Variants in TNFRSF8 observed in about 807,000 individuals in gnomAD.
TNFRSF8 encodes the protein TNF receptor superfamily member 8, also known as tumor necrosis factor receptor superfamily member 8.
Under a neutral mutation model 70.8 loss-of-function variants are expected in TNFRSF8, and 26 were observed. The observed-to-expected ratio is 0.37, with a 90% CI of 0.27 to 0.51. The LOEUF is 0.51. Ranked by LOEUF, TNFRSF8 falls within the 20% of genes least tolerant of loss-of-function variation. The pLI is 0.94. For missense variants in TNFRSF8, 720 were observed against 807.9 expected, an observed-to-expected ratio of 0.89 and a Z score of 1.32; for synonymous variants, 356 against 339.2, an observed-to-expected ratio of 1.05 and a Z score of -0.54.
chr1:12,097,792 TAATA>T (rs971779723), intron 3 of TNFRSF8, among the ~76,000 whole-genome samples: 7 of 152,200 alleles, frequency 4.6e-5, no homozygotes, highest in Non-Finnish European at 5.9e-5. Context: ...TTTTGTGGTC[TAATA>T]AATAATAAAT....
rs368839599 is a variant in TNFRSF8, at chr1:12,108,618, C to T, written c.422-948C>T. On this transcript the variant is annotated intron_variant, in intron 4 of 14. Coordinates refer to ENST00000263932, the MANE Select transcript of TNFRSF8 (RefSeq NM_001243.5). The surrounding 1 kb of genome is among the most constrained non-coding windows in gnomAD (Gnocchi z 4.0). Reference sequence around the variant, plus strand: ...GGTGGATCACCTGAGGTCAGGAGTTCGAGACCAGCCTGGCCAACATGGCGA... The same window carrying T: ...GGTGGATCACCTGAGGTCAGGAGTTTGAGACCAGCCTGGCCAACATGGCGA... 3.9e-5 allele frequency among the ~76,000 whole-genome samples: 6 copies of T among 152,122 alleles called. No homozygotes were observed. The highest frequency in any genetic ancestry group is 1.4e-4 in the African/African-American group (6 of 41,528).
chr1:12,085,189 C>T (rs1641132062), intron 2 of TNFRSF8, among the ~76,000 whole-genome samples: 1 of 152,162 alleles, frequency 6.6e-6, no homozygotes, highest in Non-Finnish European at 1.5e-5. Flanking sequence ...CGGCTCACTG[C>T]AACCTCCACC....
intron 8 of TNFRSF8, among the ~76,000 whole-genome samples, chr1:12,116,896 A>C (rs538361663): frequency 1.4e-4 from 21 of 152,254 alleles, no homozygotes; most frequent in Non-Finnish European, 2.5e-4. Context: ...GGACCCCCAG[A>C]GAGGCTCTGG....
chr1:12,107,043 T>C (rs1283653793), intron 4 of TNFRSF8, among the ~76,000 whole-genome samples: 2 of 152,268 alleles, frequency 1.3e-5, no homozygotes, highest in African/African-American at 2.4e-5. Flanking sequence ...TTGCTGCCCC[T>C]GGACCCCAGC....
chr1:12,072,454 C>T (rs1292401222), intron 1 of TNFRSF8, among the ~76,000 whole-genome samples: 1 of 152,070 alleles, frequency 6.6e-6, no homozygotes, highest in Admixed American at 6.6e-5. Flanking sequence ...GGGAAGGAGC[C>T]TCCAGAGTTT....
Position 12,066,716 on chromosome 1 carries a change from A to G in TNFRSF8, c.63+3055A>G, listed in dbSNP as rs138188453. ...CTCCCAGGCTGGAGTGCAGTGGCGC[A>G]ATCTCAGCTCACTGCAACCTCTGCC... On this transcript the variant is annotated intron_variant, in intron 1 of 14. Coordinates refer to ENST00000263932, the MANE Select transcript of TNFRSF8 (RefSeq NM_001243.5). 1.2e-3 allele frequency among the ~76,000 whole-genome samples: 178 copies of G among 151,218 alleles called. No homozygotes were observed. In the Middle Eastern group the frequency reaches 0.014, roughly 12 times the overall value.
intron 2 of TNFRSF8, among the ~76,000 whole-genome samples, chr1:12,085,205 G>T (rs1156583408): frequency 2.6e-5 from 4 of 152,104 alleles, no homozygotes; most frequent in African/African-American, 9.7e-5. Context: ...CCACCTCCCG[G>T]GTTCAAGCGA....
At chr1:12,107,847 C>T (rs1025227836) in intron 4 of TNFRSF8, among the ~76,000 whole-genome samples, 1 of 152,138 alleles carries the variant, frequency 6.6e-6, no homozygotes, top group Non-Finnish European at 1.5e-5. Flanking sequence ...CTGGCTGTCT[C>T]TCCTGAAATT....
At chr1:12,140,629 T>C (rs1350463655) in intron 14 of TNFRSF8, among the ~76,000 whole-genome samples, 1 of 152,192 alleles carries the variant, frequency 6.6e-6, no homozygotes, top group Non-Finnish European at 1.5e-5. Flanking sequence ...CCTCTTTCAC[T>C]TCCGAGCTCA....
Position 12,123,318 on chromosome 1 carries a change from A to G in TNFRSF8, c.981A>G (p.Pro327=). 6.2e-7 allele frequency: 1 copy of G among 1,613,026 alleles called. No individual in the cohort carries two copies. The highest frequency in any genetic ancestry group is 8.5e-7 in the Non-Finnish European group (1 of 1,179,684). The change falls in exon 9 of 15, where the codon CCA becomes CCG. Residue 327 remains proline (P), a synonymous_variant. Transcript: ENST00000263932. ...AGAAGGACACCACCTTTGAGGCGCC[A>G]CCCCTGGGGACCCAGCCGGACTGCA... The part of the protein sequence containing the change: ...MAEKDTTFEA[P]PLGTQPDCNP...
intron 7 of TNFRSF8, among the ~76,000 whole-genome samples, chr1:12,114,693 T>C (rs954945604): frequency 1.6e-5 from 1 of 61,566 alleles, no homozygotes; most frequent in Non-Finnish European, 3.3e-5. Context: ...GGAAAAAAAA[T>C]CTTTTTTTTT....
Position 12,124,437 on chromosome 1 carries a change from C to A in TNFRSF8, c.1153+610C>A, listed in dbSNP as rs539484519. 2.0e-5 allele frequency among the ~76,000 whole-genome samples: 3 copies of A among 152,332 alleles called. No homozygotes were observed. The East Asian group carries it at 5.8e-4, about 29-fold the overall frequency. ...TCATGACTTTGACTAGTTGTTCGAG[C>A]CTTTGAGCCTCAGTTGTCTCATCTA... On this transcript the variant is annotated intron_variant, in intron 10 of 14. Coordinates refer to ENST00000263932, the MANE Select transcript of TNFRSF8 (RefSeq NM_001243.5).
chr1:12,066,350 T>TA (rs201245212), intron 1 of TNFRSF8, among the ~76,000 whole-genome samples: 2,421 of 150,072 alleles, frequency 0.016, 65 homozygotes, highest in African/African-American at 0.057. Context: ...TCCTTGAGTT[T>TA]AAAATTTTTT....
chr1:12,067,554 T>C (rs1416032992), intron 1 of TNFRSF8, among the ~76,000 whole-genome samples: 1 of 151,962 alleles, frequency 6.6e-6, no homozygotes, highest in Non-Finnish European at 1.5e-5. Flanking sequence ...CTGGGCATGG[T>C]GGCAGGCGCC....
Position 12,125,796 on chromosome 1 carries a change from G to A in TNFRSF8, c.1154-155G>A. The stretch of plus-strand genomic sequence containing the variant: ...AGCTTCCTGGAGCCAGGCGAGGGAG[G>A]GCTGGATGAGATAAGAGCCTTGGCT... On this transcript the variant is annotated intron_variant, in intron 10 of 14. Transcript: ENST00000263932. The A allele has an allele frequency of 5.7e-6, 4 of 706,074 alleles. No homozygotes were observed. In the South Asian group the frequency reaches 6.4e-5, roughly 11 times the overall value. The allele number at this position is 706,074 out of a possible 1,614,324, so 43.7% of individuals were successfully genotyped here. A position where few individuals can be genotyped will look rare whatever the true frequency, so the allele number is the denominator to read the frequency against.
rs933838141 is a variant in TNFRSF8, at chr1:12,143,920, C to T, written c.*1389C>T. On this transcript the variant is annotated 3_prime_UTR_variant, in exon 15 of 15. Transcript: ENST00000263932. This position sits in a 1 kb window ranked among gnomAD's most constrained non-coding sequence, Gnocchi z 4.1. ...TGGGGAAAGTTGGAGAAGCCGTGGC[C>T]TTGCGAGAGGTGGTTACACCAGAAC... The T allele has an allele frequency of 6.6e-6, 1 of 152,258 alleles. No homozygotes were observed. The highest frequency in any genetic ancestry group is 2.4e-5 in the African/African-American group (1 of 41,454). The allele number at this position is 152,258 out of a possible 1,614,324, so 9.4% of individuals were successfully genotyped here.
chr1:12,078,821 G>A (rs1641012988), intron 1 of TNFRSF8, among the ~76,000 whole-genome samples: 1 of 152,216 alleles, frequency 6.6e-6, no homozygotes, highest in South Asian at 2.1e-4. Flanking sequence ...AAAGCAAACC[G>A]TTCCAGCATT....
At position 12,142,817 on chromosome 1, in the gene TNFRSF8, G is replaced by C; in HGVS notation, c.*286G>C. 1 of 401,492 alleles carries C rather than the reference G, an allele frequency of 2.5e-6. No homozygotes were observed. Among genetic ancestry groups the C allele is most frequent in the Non-Finnish European group, 4.5e-6 (1 of 220,594 alleles). 24.9% of individuals were successfully genotyped at this position (401,492 alleles called of 1,614,324 possible). On this transcript the variant is annotated 3_prime_UTR_variant, in exon 15 of 15. Transcript: ENST00000263932. The surrounding 1 kb of genome is among the most constrained non-coding windows in gnomAD (Gnocchi z 5.0). ...ATGTTGGTTGAGGCAGCAAACAGAT[G>C]GCAGGATGGGCACTGCCGAGAACAG...
At chr1:12,106,948 G>C (rs1641535367) in intron 4 of TNFRSF8, among the ~76,000 whole-genome samples, 1 of 152,218 alleles carries the variant, frequency 6.6e-6, no homozygotes, top group African/African-American at 2.4e-5. Flanking sequence ...CTTGAGTTCA[G>C]TTGTTCCAGC....
Sources: gnomAD v4.1 joint callset for allele counts (sites outside exome capture counted in the v4.1 genomes callset) on GRCh38, gnomAD v4.1.1 for gene constraint, Gnocchi (gnomAD v3.1) non-coding constraint, MANE v1.5 for transcripts, NCBI Gene and HGNC (gene_info 2026-07-23, HGNC 2026-07-21) for gene names.